Variants in EGLN1 observed in about 807,000 individuals in gnomAD.
The protein encoded by EGLN1 is egl nine homolog 1.
A neutral mutation model predicts 38.3 loss-of-function variants in EGLN1; 17 were observed. That is an observed-to-expected ratio of 0.44 (90% confidence interval 0.30 to 0.67). EGLN1 has a LOEUF of 0.67. EGLN1 is among the 30% of genes least tolerant of loss of function. EGLN1 has a pLI of 0.08. For synonymous variants in EGLN1, 283 were observed against 257.5 expected (o/e 1.10, Z -0.95); for missense variants, 477 against 603.3 (o/e 0.79, Z 2.19).
intron 1 of EGLN1, among the ~76,000 whole-genome samples, chr1:231,390,610 T>A (rs991641138): frequency 6.6e-6 from 1 of 152,222 alleles, no homozygotes; most frequent in Non-Finnish European, 1.5e-5. Flanking sequence ...CATTCCCTCA[T>A]GTACACATCT....
chr1:231,388,730 C>T (rs563785719), intron 1 of EGLN1, among the ~76,000 whole-genome samples: 4 of 152,334 alleles, frequency 2.6e-5, no homozygotes, highest in South Asian at 4.1e-4. Flanking sequence ...TCTCAGCTCA[C>T]TTCAACCTCC....
chr1:231,368,198 A>G (rs1463725736), intron 3 of EGLN1, among the ~76,000 whole-genome samples: 1 of 152,136 alleles, frequency 6.6e-6, no homozygotes, highest in African/African-American at 2.4e-5. Flanking sequence ...CTAAAAAAAA[A>G]GAGAGACAAT....
rs534927068 is a variant in EGLN1 at position 231,419,759 on chromosome 1, T to C, written c.891+1239A>G. ...TAAATTAGACTCCACATTGTATTTTTCCCCACAAAATGTTCACGTTTATAA... is the reference window on the plus strand; with the variant it reads ...TAAATTAGACTCCACATTGTATTTTCCCCCACAAAATGTTCACGTTTATAA... On this transcript the variant is annotated intron_variant, in intron 1 of 4. Coordinates refer to ENST00000366641, the MANE Select transcript of EGLN1 (RefSeq NM_022051.3). Among the ~76,000 whole-genome samples the C allele has an allele frequency of 2.6e-5, 4 of 152,338 alleles. No homozygotes were observed. The East Asian group carries it at 7.7e-4, about 29-fold the overall frequency.
chr1:231,410,094 A>G (rs1407617600), intron 1 of EGLN1, among the ~76,000 whole-genome samples: 1 of 152,208 alleles, frequency 6.6e-6, no homozygotes, highest in Non-Finnish European at 1.5e-5. Flanking sequence ...GAACTGACGT[A>G]AGAACTGGTA....
chr1:231,400,163 A>G (rs1688628454), intron 1 of EGLN1, among the ~76,000 whole-genome samples: 1 of 152,084 alleles, frequency 6.6e-6, no homozygotes, highest in Non-Finnish European at 1.5e-5. Context: ...TCCTTTGGGT[A>G]TCTGAGATAT....
intron 1 of EGLN1, among the ~76,000 whole-genome samples, chr1:231,398,987 G>T (rs1688599881): frequency 6.6e-6 from 1 of 152,140 alleles, no homozygotes; most frequent in Non-Finnish European, 1.5e-5. Flanking sequence ...TAATAGGGTA[G>T]GATTAGTCTG....
rs200242214 is a variant in EGLN1 at position 231,401,722 on chromosome 1, AC to A, written c.891+19275del. Among the ~76,000 whole-genome samples the A allele has an allele frequency of 7.3e-3, 1,111 of 152,294 alleles. 8 individuals carry two copies. The highest frequency in any genetic ancestry group is 0.011 in the South Asian group (51 of 4,824). ...ATGATGAAGCACACTCTGTTTACTC[AC>A]CAGATGATGGACATTTGGGTTGTTT... On this transcript the variant is annotated intron_variant, in intron 1 of 4. Transcript: ENST00000366641.
rs145471964 is a variant in EGLN1 at position 231,379,028 on chromosome 1, T to C, written c.892-4929A>G. 2.4e-3 allele frequency among the ~76,000 whole-genome samples: 366 copies of C among 151,712 alleles called. 2 individuals are homozygous for C. Among genetic ancestry groups the C allele is most frequent in the Non-Finnish European group, 4.0e-3 (271 of 67,946 alleles). On this transcript the variant is annotated intron_variant, in intron 1 of 4. Coordinates refer to ENST00000366641, the MANE Select transcript of EGLN1 (RefSeq NM_022051.3). ...GCAAACCTTAGGTAGGCACAATTTC[T>C]CCCCCCATTTTAGAGACCAGAAAAC...
chr1:231,395,960 A>G (rs1346052932), intron 1 of EGLN1, among the ~76,000 whole-genome samples: 2 of 148,438 alleles, frequency 1.3e-5, no homozygotes, highest in Non-Finnish European at 3.0e-5. Flanking sequence ...CACCCAACGC[A>G]CCGCTTTCTG....
intron 2 of EGLN1, among the ~76,000 whole-genome samples, chr1:231,371,036 T>C (rs1687808331): frequency 6.6e-6 from 1 of 152,164 alleles, no homozygotes; most frequent in Admixed American, 6.6e-5. Flanking sequence ...ATTACAGGCA[T>C]GCGCCACCAT....
chr1:231,384,424 T>C (rs781301511), intron 1 of EGLN1, among the ~76,000 whole-genome samples: 2 of 145,134 alleles, frequency 1.4e-5, no homozygotes. Flanking sequence ...AAACACGCAA[T>C]AGGGAATATA....
chr1:231,416,738 T>C (rs541490217), intron 1 of EGLN1, among the ~76,000 whole-genome samples: 105 of 152,306 alleles, frequency 6.9e-4, no homozygotes, highest in Non-Finnish European at 1.1e-3. Context: ...AAACTACACA[T>C]CAACTCACTA....
intron 1 of EGLN1, among the ~76,000 whole-genome samples, chr1:231,395,166 T>C (rs1382224612): frequency 6.6e-6 from 1 of 152,180 alleles, no homozygotes; most frequent in Non-Finnish European, 1.5e-5. Context: ...AGCTGCTCCC[T>C]CCCCCAACAT....
chr1:231,377,446 C>T (rs968628406), intron 1 of EGLN1, among the ~76,000 whole-genome samples: 1 of 152,152 alleles, frequency 6.6e-6, no homozygotes, highest in Admixed American at 6.5e-5. Flanking sequence ...ATTCTGAAGG[C>T]AGAAAACCAA....
At chr1:231,420,170 T>A (rs1033187006) in intron 1 of EGLN1, 1 of 152,176 alleles carries the variant, frequency 6.6e-6, no homozygotes, top group African/African-American at 2.4e-5. Context: ...AACAAAAAGA[T>A]CTCACCAAAT....
chr1:231,366,459 C>T lies in EGLN1; in HGVS notation c.1233G>A (p.Arg411=), dbSNP rs781317846. 1.2e-6 allele frequency: 2 copies of T among 1,613,850 alleles called. No individual in the cohort carries two copies. Among genetic ancestry groups the T allele is most frequent in the Admixed American group, 1.7e-5 (1 of 59,988 alleles). The part of the protein sequence containing the change: ...VKYLTGEKGV[R]VELNKPSDSV... ...AATCTGAAGGTTTATTGAGTTCAAC[C>T]CTCACACCTTTTTCACCTGCAAGGT... Residue 411 remains arginine (R), a synonymous_variant, in exon 5 of 5, where the codon AGG becomes AGA. Coordinates refer to ENST00000366641, the MANE Select transcript of EGLN1 (RefSeq NM_022051.3).
intron 1 of EGLN1, among the ~76,000 whole-genome samples, chr1:231,395,308 A>G (rs999106156): frequency 2.0e-5 from 3 of 152,192 alleles, no homozygotes; most frequent in African/African-American, 4.8e-5. Flanking sequence ...AACGGTTCCA[A>G]ACTTTCTTGG....
At chr1:231,405,376 A>G (rs1312932308) in intron 1 of EGLN1, among the ~76,000 whole-genome samples, 1 of 151,888 alleles carries the variant, frequency 6.6e-6, no homozygotes, top group Non-Finnish European at 1.5e-5. Flanking sequence ...ACAGGGTTTT[A>G]CCATGTTAGC....
At chr1:231,385,999 G>A (rs1688195325) in intron 1 of EGLN1, among the ~76,000 whole-genome samples, 1 of 152,016 alleles carries the variant, frequency 6.6e-6, no homozygotes, top group African/African-American at 2.4e-5. Context: ...TTTTTATAGA[G>A]ACAGGGTCTT....
Sources: gnomAD v4.1 joint callset for allele counts (sites outside exome capture counted in the v4.1 genomes callset) on GRCh38, gnomAD v4.1.1 for gene constraint, MANE v1.5 for transcripts, NCBI Gene and HGNC (gene_info 2026-07-23, HGNC 2026-07-21) for gene names.